Variants in PDE1C observed in about 807,000 individuals in gnomAD.
The protein encoded by PDE1C is phosphodiesterase 1C.
PDE1C carries 62 observed loss-of-function variants against 93.1 expected under a neutral mutation model. That is an observed-to-expected ratio of 0.67 (90% CI 0.54 to 0.82). The LOEUF is 0.82. Ranked by LOEUF, PDE1C falls within the 40% of genes least tolerant of loss-of-function variation. The pLI, the probability that PDE1C is intolerant of heterozygous loss-of-function variation, is 0.00. For missense variants in PDE1C, 742 were observed against 884.6 expected, an observed-to-expected ratio of 0.84 and a Z score of 2.04; for synonymous variants, 325 against 310.1, an observed-to-expected ratio of 1.05 and a Z score of -0.50.
the PDE1C span, among the ~76,000 whole-genome samples, chr7:31,743,547 G>A: frequency 6.6e-6 from 1 of 151,112 alleles, no homozygotes; most frequent in Non-Finnish European, 1.5e-5. Context: ...GAAGTTCGCT[G>A]GAGGATGCAG....
chr7:31,772,681 T>G (rs1340256977), intron 17 of PDE1C, among the ~76,000 whole-genome samples: 2 of 152,248 alleles, frequency 1.3e-5, no homozygotes. Flanking sequence ...AGCAAATGTT[T>G]TCATCTCCTA....
At chr7:32,076,173 T>C (rs1463464974), upstream of PDE1C, among the ~76,000 whole-genome samples, 2 of 152,152 alleles carry the variant, frequency 1.3e-5, no homozygotes, top group African/African-American at 4.8e-5. Context: ...GATAGAGTGA[T>C]TGGTCCAGGG....
chr7:32,086,687 A>C (rs1584735333), intron 3 of PDE1C, among the ~76,000 whole-genome samples: 1 of 152,150 alleles, frequency 6.6e-6, no homozygotes, highest in Non-Finnish European at 1.5e-5. Context: ...ACAGAGCACT[A>C]AGAAATAACA....
chr7:31,959,406 G>C (rs186121951), intron 2 of PDE1C, among the ~76,000 whole-genome samples: 6 of 152,174 alleles, frequency 3.9e-5, no homozygotes, highest in Middle Eastern at 3.4e-3. Flanking sequence ...TAGAGAAAAG[G>C]CTTCACTATG....
At chr7:31,700,041 C>T in the PDE1C span, among the ~76,000 whole-genome samples, 100 of 152,118 alleles carry the variant, frequency 6.6e-4, no homozygotes, top group African/African-American at 2.3e-3. Flanking sequence ...TACAGGGGCC[C>T]CTAAGTGTTC....
At chr7:31,900,790 A>G (rs1799880211) in intron 2 of PDE1C, among the ~76,000 whole-genome samples, 1 of 151,918 alleles carries the variant, frequency 6.6e-6, no homozygotes, top group South Asian at 2.1e-4. Flanking sequence ...TAAAAATCTA[A>G]AAATTAAACT....
At chr7:31,904,218 C>T (rs559295503) in intron 2 of PDE1C, among the ~76,000 whole-genome samples, 2 of 152,210 alleles carry the variant, frequency 1.3e-5, no homozygotes, top group African/African-American at 4.8e-5. Flanking sequence ...AAGCTGGAAT[C>T]CAGCCTGAAT....
rs564539801 is a variant in PDE1C, at chr7:32,401,856, T to C, written c.310+25966A>G. On this transcript the variant is annotated intron_variant, in intron 1 of 1. Transcript: ENST00000672256. ...AGTCTTTCAGCAGAGTGTAGGAGAA[T>C]ATGGGCTTCAGTTTGAACTGGACCT... Among the ~76,000 whole-genome samples the C allele has an allele frequency of 2.6e-5, 4 of 152,286 alleles. No homozygotes were observed. In the South Asian group the frequency reaches 8.3e-4, roughly 32 times the overall value.
the PDE1C span, among the ~76,000 whole-genome samples, chr7:31,649,401 C>A: frequency 1.2e-4 from 18 of 149,588 alleles, 1 homozygote; most frequent in Admixed American, 8.8e-4. Context: ...AAACAGCCAG[C>A]CTGCAAGATC....
At chr7:31,731,754 C>T in the PDE1C span, among the ~76,000 whole-genome samples, 1 of 146,230 alleles carries the variant, frequency 6.8e-6, no homozygotes, top group South Asian at 2.2e-4. Context: ...GCACCCGGGT[C>T]TGGTGCCAAC....
At chr7:31,651,859 C>A in the PDE1C span, 1 of 916,302 alleles carries the variant, frequency 1.1e-6, no homozygotes, top group Non-Finnish European at 1.7e-6. Flanking sequence ...AAAGGAAGAA[C>A]CTATATTATG....
At chr7:31,824,822 A>G in intron 13 of PDE1C, 45 bp downstream of exon 13, 1 of 1,604,340 alleles carries the variant, frequency 6.2e-7, no homozygotes, top group Non-Finnish European at 8.5e-7. Context: ...TCTATCCTCA[A>G]GGACAGGCCA....
At chr7:31,696,294 T>A in the PDE1C span, among the ~76,000 whole-genome samples, 1 of 152,310 alleles carries the variant, frequency 6.6e-6, no homozygotes, top group South Asian at 2.1e-4. Flanking sequence ...GCAAAACAAA[T>A]GAAACATAGA....
chr7:32,299,768 G>C (rs79424538), upstream of PDE1C, among the ~76,000 whole-genome samples: 6,078 of 152,226 alleles, frequency 0.04, 177 homozygotes, highest in South Asian at 0.074. Context: ...CTTACACTGG[G>C]AAAATTTTTC....
At chr7:31,638,171 C>T in the PDE1C span, among the ~76,000 whole-genome samples, 1 of 152,188 alleles carries the variant, frequency 6.6e-6, no homozygotes, top group Non-Finnish European at 1.5e-5. Context: ...TTTGTACCCA[C>T]AGTTGATATA....
chr7:31,711,730 T>G, the PDE1C span, among the ~76,000 whole-genome samples: 21 of 152,042 alleles, frequency 1.4e-4, no homozygotes, highest in East Asian at 4.1e-3. Flanking sequence ...TTGTCTTCCC[T>G]CGCCCCACTC....
chr7:32,127,048 T>C (rs897577567), intron 3 of PDE1C, among the ~76,000 whole-genome samples: 1 of 152,122 alleles, frequency 6.6e-6, no homozygotes, highest in Non-Finnish European at 1.5e-5. Flanking sequence ...ATCCAATCAG[T>C]TGAGGGCCTG....
intron 3 of PDE1C, among the ~76,000 whole-genome samples, chr7:32,091,986 G>A (rs904945151): frequency 1.3e-5 from 2 of 152,184 alleles, no homozygotes; most frequent in Admixed American, 6.5e-5. Flanking sequence ...TGAGAGAAGA[G>A]TAGACTTACA....
chr7:32,215,153 G>A (rs1806336720), intron 1 of PDE1C, among the ~76,000 whole-genome samples: 2 of 152,072 alleles, frequency 1.3e-5, no homozygotes, highest in African/African-American at 2.4e-5. Context: ...AGCAGGAGGT[G>A]TGCAGCGGGG....
Sources: allele counts gnomAD v4.1 joint callset (sites outside exome capture counted in the v4.1 genomes callset), GRCh38; gene constraint gnomAD v4.1.1; transcripts MANE v1.5; gene names NCBI Gene and HGNC (gene_info 2026-07-23, HGNC 2026-07-21).